MROH6: variants seen among roughly 807,000 people sequenced by gnomAD.
The protein encoded by MROH6 is maestro heat like repeat family member 6.
MROH6 carries 62 observed loss-of-function variants against 67.7 expected under a neutral mutation model. The ratio of observed to expected loss-of-function variants is 0.92; its 90% CI spans 0.75 to 1.13. The LOEUF (loss-of-function observed/expected upper bound fraction) is 1.13, where lower values mean the gene tolerates loss of function less well. Ranked by LOEUF, MROH6 falls within the 50% of genes most tolerant of loss-of-function variation. The pLI is 0.00. For missense variants in MROH6, 1,175 were observed against 1,029.1 expected, an observed-to-expected ratio of 1.14 and a Z score of -1.94; for synonymous variants, 566 against 470.8, an observed-to-expected ratio of 1.20 and a Z score of -2.62.
Position 143,566,251 on chromosome 8 carries a change from A to G in MROH6, c.*988T>C, listed in dbSNP as rs1823610670. 3 of 152,250 alleles carry G rather than the reference A, an allele frequency of 2.0e-5. No homozygotes were observed. The highest frequency in any genetic ancestry group is 2.0e-4 in the Admixed American group (3 of 15,290). 9.4% of individuals were successfully genotyped at this position (152,250 alleles called of 1,614,324 possible). A position where few individuals can be genotyped will look rare whatever the true frequency, so the allele number is the denominator to read the frequency against. On this transcript the variant is annotated 3_prime_UTR_variant, in exon 14 of 14. Transcript: ENST00000398882. Reference sequence around the variant, plus strand: ...TGTGTGGGAGCTGGGGAGACAGGTCAGTAGGACCCCACGCCTGTGCCTGAG... The same window carrying G: ...TGTGTGGGAGCTGGGGAGACAGGTCGGTAGGACCCCACGCCTGTGCCTGAG...
chr8:143,568,855 C>T (rs1823800714), intron 9 of MROH6, 136 bp from the exon 10 acceptor site: 4 of 653,910 alleles, frequency 6.1e-6, no homozygotes, highest in Non-Finnish European at 9.9e-6. Flanking sequence ...GGACAGGGAA[C>T]AGGGCCTGGA....
chr8:143,568,369 G>A (rs1258224672), intron 10 of MROH6, 108 bp from the exon 11 acceptor site: 5 of 1,472,082 alleles, frequency 3.4e-6, no homozygotes, highest in East Asian at 5.0e-5. Flanking sequence ...GAAGAGCCCA[G>A]GGCAGGAGAC....
At chr8:143,569,302 G>C (rs1281253269) in intron 9 of MROH6, 139 bp downstream of exon 9, 2 of 497,648 alleles carry the variant, frequency 4.0e-6, no homozygotes, top group Admixed American at 5.3e-5. Flanking sequence ...GGGAGGGAGA[G>C]ACTGGAAGGG....
chr8:143,567,903 G>C lies in MROH6; in HGVS notation c.1765-15C>G. 2.6e-6 allele frequency: 4 copies of C among 1,518,168 alleles called. No homozygotes were observed. The highest frequency in any genetic ancestry group is 2.6e-6 in the Non-Finnish European group (3 of 1,134,390). The allele number at this position is 1,518,168 out of a possible 1,614,324, so 94.0% of individuals were successfully genotyped here. ...TATCGCTGAACCTGGGGACAAAAGG[G>C]CTAGTGGCAGGACAGGAGGGCTGAT... On this transcript the variant is annotated splice_polypyrimidine_tract_variant and intron_variant, in intron 11 of 13. Coordinates refer to ENST00000398882, the MANE Select transcript of MROH6 (RefSeq NM_001100878.2).
At chr8:143,571,073 G>A (rs1455571232) in intron 3 of MROH6, 79 bp from the exon 4 acceptor site, 1 of 1,214,774 alleles carries the variant, frequency 8.2e-7, no homozygotes, top group African/African-American at 1.5e-5. Context: ...CAGCCAGGGT[G>A]GAGGCAGCCA....
In MROH6 at chr8:143,566,560, T is replaced by C. The variant is rs530778197; in HGVS notation, c.*679A>G. 1 of 152,350 alleles carries C rather than the reference T, an allele frequency of 6.6e-6. No individual in the cohort carries two copies. Among genetic ancestry groups the C allele is most frequent in the Non-Finnish European group, 1.5e-5 (1 of 68,048 alleles). The allele number at this position is 152,350 out of a possible 1,614,324, so 9.4% of individuals were successfully genotyped here. On this transcript the variant is annotated 3_prime_UTR_variant, in exon 14 of 14. Coordinates refer to ENST00000398882, the MANE Select transcript of MROH6 (RefSeq NM_001100878.2). ...GTAGTGTCACAAGTGCTCGGTCTGA[T>C]TGGGCGTGCACACAGGACCCCTACA...
At position 143,570,263 on chromosome 8, in the gene MROH6, C is replaced by T. The variant is rs1823933955; in HGVS notation, c.1023G>A (p.Glu341=). ...RRLVGAHTHL[E]GVLLLASAMV... is the part of the protein sequence containing the mutation. ...CTCACCTGGCCAGCAGCAGGACGCC[C>T]TCCAGGTGGGTGTGGGCTCCCACCA... Residue 341 remains glutamate (E), a synonymous_variant, in exon 6 of 14, where the codon GAG becomes GAA. Coordinates refer to ENST00000398882, the MANE Select transcript of MROH6 (RefSeq NM_001100878.2). 6.3e-7 allele frequency: 1 copy of T among 1,596,636 alleles called. No individual in the cohort carries two copies. Among genetic ancestry groups the T allele is most frequent in the African/African-American group, 1.3e-5 (1 of 74,794 alleles).
At position 143,567,852 on chromosome 8, in the gene MROH6, T is replaced by C. The variant is rs1203948878; in HGVS notation, c.1801A>G (p.Ser601Gly). 2 of 1,529,774 alleles carry C rather than the reference T, an allele frequency of 1.3e-6. No individual in the cohort carries two copies. Among genetic ancestry groups the C allele is most frequent in the Non-Finnish European group, 8.8e-7 (1 of 1,140,514 alleles). 94.8% of individuals were successfully genotyped at this position (1,529,774 alleles called of 1,614,324 possible). ...CTCCGCAGGTAGCCCTGGGTCTGGCTCAGGAAGTTGGGCACGTGGCCTGGG... is the reference window on the plus strand; with the variant it reads ...CTCCGCAGGTAGCCCTGGGTCTGGCCCAGGAAGTTGGGCACGTGGCCTGGG... The part of the protein sequence containing the change: ...RYPGHVPNFL[S>G]QTQGYLRSPQ... The change falls in exon 12 of 14, where the codon AGC (serine) becomes GGC (glycine). Residue 601 changes from serine to glycine, a missense_variant. Coordinates refer to ENST00000398882, the MANE Select transcript of MROH6 (RefSeq NM_001100878.2).
rs1487882688 is a variant in MROH6 at position 143,568,560 on chromosome 8, C to G, written c.1636G>C (p.Ala546Pro). The G allele has an allele frequency of 1.3e-6, 2 of 1,537,600 alleles. No individual in the cohort carries two copies. Among genetic ancestry groups the G allele is most frequent in the Admixed American group, 4.0e-5 (2 of 50,176 alleles). The stretch of plus-strand genomic sequence containing the variant: ...TGTCGGGGGCTGCTGACCTCAGCAG[C>G]GTCCCTGCTGGGGTCATGCAGGCGC... ...LLRLHDPSRD[A>P]AESSEWTLAR... Residue 546 changes from alanine (A) to proline (P), a missense_variant, in exon 10 of 14, where the codon GCT (alanine) becomes CCT (proline). Physicochemically the swap from Ala to Pro is conservative, Grantham distance 27. Coordinates refer to ENST00000398882, the MANE Select transcript of MROH6 (RefSeq NM_001100878.2).
chr8:143,572,698 C>G lies in MROH6; in HGVS notation c.17G>C (p.Trp6Ser). 6.7e-7 allele frequency: 1 copy of G among 1,501,554 alleles called. No homozygotes were observed. The highest frequency in any genetic ancestry group is 8.9e-7 in the Non-Finnish European group (1 of 1,128,118). 93.0% of individuals were successfully genotyped at this position (1,501,554 alleles called of 1,614,324 possible). ...AGCCTCCCGGGCCCGGCTCCGGCCC[C>G]ACACACCCCCAGCCATGGCGGCCCT... The part of the protein sequence containing the change: MAGGV[W>S]GRSRAREAPV... Residue 6 changes from tryptophan to serine, a missense_variant, in exon 1 of 14, where the codon TGG (tryptophan) becomes TCG (serine). By Grantham distance (177) the Trp-to-Ser change is radical. Transcript: ENST00000398882.
Position 143,567,095 on chromosome 8 carries a change from G to C in MROH6, c.*144C>G, listed in dbSNP as rs11785441. ...ACCATCAGGGTGGTGGGTGCCTGAA[G>C]AGGGGTCACGGGGGTGGGGGGTGGG... On this transcript the variant is annotated 3_prime_UTR_variant, in exon 14 of 14. Coordinates refer to ENST00000398882, the MANE Select transcript of MROH6 (RefSeq NM_001100878.2). The C allele has an allele frequency of 0.31, 120,679 of 385,946 alleles. 20,916 individuals are homozygous for C. Among genetic ancestry groups the C allele is most frequent in the East Asian group, 0.39 (9,513 of 24,550 alleles). The allele number at this position is 385,946 out of a possible 1,614,324, so 23.9% of individuals were successfully genotyped here.
rs768177529 is a variant in MROH6, at chr8:143,572,570, C to T, written c.145G>A (p.Glu49Lys). The T allele has an allele frequency of 3.1e-6, 5 of 1,605,806 alleles. No individual in the cohort carries two copies. The stretch of plus-strand genomic sequence containing the variant: ...TGTGGCTCAGCCTCAGGTTTGACCT[C>T]CCAGGACTTGGGCTGAGGGCCTGCG... ...PSAGPQPKSW[E>K]VKPEAEPQTQ... The change falls in exon 1 of 14, where the codon GAG becomes AAG. Residue 49 changes from glutamate to lysine, a missense_variant. Coordinates refer to ENST00000398882, the MANE Select transcript of MROH6 (RefSeq NM_001100878.2).
intron 3 of MROH6, among the ~76,000 whole-genome samples, chr8:143,571,360 C>T (rs1209567970): frequency 6.6e-6 from 1 of 152,136 alleles, no homozygotes; most frequent in Non-Finnish European, 1.5e-5. Flanking sequence ...CACGTTAGCC[C>T]CCCAGCCTCA....
At chr8:143,571,634 G>A (rs200846095) in intron 3 of MROH6, 33 bp downstream of exon 3, 26 of 1,553,958 alleles carry the variant, frequency 1.7e-5, no homozygotes, top group South Asian at 8.3e-5. Context: ...AGGAAGCCGC[G>A]TGGGGACCGC....
chr8:143,570,852 C>CCCCCT, intron 4 of MROH6, 25 bp downstream of exon 4: 1 of 1,470,560 alleles, frequency 6.8e-7, no homozygotes, highest in South Asian at 1.2e-5. Flanking sequence ...GCCCCCACCC[C>CCCCCT]CTGGTAATGG....
At position 143,570,467 on chromosome 8, in the gene MROH6, T is replaced by A. The variant is rs1823954354; in HGVS notation, c.905+6A>T. ...CCGCCCCACGTAACCTGGTGTTGCC[T>A]CTCACCTGGCATGGCTATGTGGTGG... On this transcript the variant is annotated splice_donor_region_variant and intron_variant, in intron 5 of 13. Transcript: ENST00000398882. 1.2e-6 allele frequency: 2 copies of A among 1,609,572 alleles called. No homozygotes were observed. Among genetic ancestry groups the A allele is most frequent in the Middle Eastern group, 1.7e-4 (1 of 6,052 alleles).
At chr8:143,569,401 A>G (rs1823856550) in intron 9 of MROH6, 40 bp downstream of exon 9, 2 of 1,269,828 alleles carry the variant, frequency 1.6e-6, no homozygotes, top group African/African-American at 5.3e-5. Flanking sequence ...GGGCGGTGAC[A>G]GCGGCAGGGG....
intron 11 of MROH6, 21 bp downstream of exon 11, chr8:143,568,121 C>T: frequency 6.3e-7 from 1 of 1,586,688 alleles, no homozygotes; most frequent in Non-Finnish European, 8.6e-7. Context: ...CCCTTGCGGT[C>T]ACCTTGCTTC....
rs1824083440 is a variant in MROH6, at chr8:143,572,087, T to C, written c.393A>G (p.Thr131=). ...CCAGGGCTGAGGACAGGGTGAGCAC[T>C]GTCGCCTGGGTCCCTGCAAAGCCAG... ...EEAGFAGTQA[T]VLTLSSALEA... is the part of the protein sequence containing the mutation. Residue 131 remains threonine, a synonymous_variant, in exon 2 of 14, where the codon ACA becomes ACG. Transcript: ENST00000398882. 6.2e-7 allele frequency: 1 copy of C among 1,612,794 alleles called. No individual in the cohort carries two copies. The highest frequency in any genetic ancestry group is 8.5e-7 in the Non-Finnish European group (1 of 1,179,774).
Sources: allele counts gnomAD v4.1 joint callset (sites outside exome capture counted in the v4.1 genomes callset), GRCh38; gene constraint gnomAD v4.1.1; transcripts MANE v1.5; gene names NCBI Gene and HGNC (gene_info 2026-07-23, HGNC 2026-07-21).